Variants in DNAH8 observed in about 807,000 individuals in gnomAD.
DNAH8 encodes dynein axonemal heavy chain 8.
In DNAH8, 382 loss-of-function variants were observed where a neutral mutation model predicts 562.1. That is an observed-to-expected ratio of 0.68 (90% CI 0.63 to 0.74). The LOEUF (loss-of-function observed/expected upper bound fraction) is 0.74. DNAH8 is among the 30% of genes least tolerant of loss of function. The probability of loss-of-function intolerance (pLI) is 0.00; values close to 1 mark genes in which losing one functional copy is unlikely to be tolerated. For missense variants in DNAH8, 5,203 were observed against 5,620.4 expected (o/e 0.93, Z 2.37); for synonymous variants, 1,881 against 1,919.4 (o/e 0.98, Z 0.52).
chr6:38,763,200 G>C (rs1436225231), intron 11 of DNAH8: 1 of 212,632 alleles, frequency 4.7e-6, no homozygotes, highest in Non-Finnish European at 9.5e-6. Context: ...TGGAAACTCA[G>C]TTCCTTCTAA....
intron 10 of DNAH8, among the ~76,000 whole-genome samples, chr6:38,759,346 C>T (rs1358633649): frequency 6.6e-6 from 1 of 151,866 alleles, no homozygotes; most frequent in Non-Finnish European, 1.5e-5. Context: ...AACAAACCAC[C>T]ACCAACGAAA....
At chr6:38,770,822 A>C (rs1334460300) in intron 12 of DNAH8, among the ~76,000 whole-genome samples, 1 of 152,182 alleles carries the variant, frequency 6.6e-6, no homozygotes, top group Non-Finnish European at 1.5e-5. Context: ...ATGAAACTTC[A>C]ACTTAAAAGG....
chr6:39,009,958 A>T (rs748734008), intron 89 of DNAH8, among the ~76,000 whole-genome samples: 18 of 152,210 alleles, frequency 1.2e-4, no homozygotes, highest in Non-Finnish European at 2.6e-4. Flanking sequence ...AAAACAAGGC[A>T]GCATACTTGC....
At chr6:38,781,955 G>A (rs941191966) in intron 16 of DNAH8, among the ~76,000 whole-genome samples, 1 of 152,118 alleles carries the variant, frequency 6.6e-6, no homozygotes, top group Non-Finnish European at 1.5e-5. Context: ...TTAAGAGACA[G>A]AGTCACAAGG....
intron 69 of DNAH8, among the ~76,000 whole-genome samples, chr6:38,917,639 C>T (rs771210073): frequency 3.4e-4 from 52 of 152,208 alleles, no homozygotes; most frequent in Admixed American, 3.4e-3. Context: ...GCCTTGGTGT[C>T]AACCCAGCCC....
At position 38,865,164 on chromosome 6, in the gene DNAH8, C is replaced by T. The variant is rs7757664; in HGVS notation, c.6498+1104C>T. Among the ~76,000 whole-genome samples the T allele has an allele frequency of 5.7e-3, 869 of 152,188 alleles. 10 individuals are homozygous for T. The highest frequency in any genetic ancestry group is 0.019 in the African/African-American group (799 of 41,520). ...ATGTGTTTTCCATAAAGTTAAATCT[C>T]GAAGTTGCAAGATAACACAAAGCAC... is the stretch of plus-strand genomic sequence containing the variant. On this transcript the variant is annotated intron_variant, in intron 45 of 92. Coordinates refer to ENST00000327475, the MANE Select transcript of DNAH8 (RefSeq NM_001206927.2).
At chr6:38,902,245 T>TA (rs554353026) in intron 62 of DNAH8, among the ~76,000 whole-genome samples, 7 of 152,242 alleles carry the variant, frequency 4.6e-5, no homozygotes, top group Admixed American at 4.6e-4. Context: ...AGCCAATTCT[T>TA]AGAGATTCAA....
chr6:38,937,378 A>C (rs1415629711), intron 77 of DNAH8, among the ~76,000 whole-genome samples: 2 of 152,208 alleles, frequency 1.3e-5, no homozygotes, highest in Non-Finnish European at 2.9e-5. Flanking sequence ...ATGAAAGGCA[A>C]AACTAAAAAT....
Position 38,722,974 on chromosome 6 carries a change from T to A in DNAH8, c.165T>A (p.Val55=), listed in dbSNP as rs896010585. The A allele has an allele frequency of 6.2e-7, 1 of 1,612,540 alleles. No individual in the cohort carries two copies. The highest frequency in any genetic ancestry group is 1.3e-5 in the African/African-American group (1 of 74,906). Residue 55 remains valine, a synonymous_variant, in exon 2 of 93, where the codon GTT becomes GTA. Transcript: ENST00000327475. ...DGFSPSAEDA[V]SSVVDYRDLI... ...TCTCTCCTTCCGCAGAAGATGCTGTTTCTTCTGTGGTGGATTATCGGGATC... is the reference window on the plus strand; with the variant it reads ...TCTCTCCTTCCGCAGAAGATGCTGTATCTTCTGTGGTGGATTATCGGGATC...
In DNAH8 at chr6:38,723,459, G is replaced by T; in HGVS notation, c.513G>T (p.Leu171Phe). The change falls in exon 3 of 93, where the codon TTG (leucine) becomes TTT (phenylalanine). Residue 171 changes from leucine to phenylalanine, a missense_variant. Leu to Phe is a conservative substitution (Grantham distance 22, BLOSUM62 0). Coordinates refer to ENST00000327475, the MANE Select transcript of DNAH8 (RefSeq NM_001206927.2). ...TAGTAACTGTTGAAGAATTAATTTT[G>T]GATTGCCCATCTGTAAGTTTAAGTC... The part of the protein sequence containing the change: ...LDIVTVEELI[L>F]DCPSLEAFTN... The T allele has an allele frequency of 1.2e-6, 2 of 1,605,072 alleles. No homozygotes were observed. Among genetic ancestry groups the T allele is most frequent in the Non-Finnish European group, 1.7e-6 (2 of 1,178,198 alleles).
chr6:38,921,532 A>C (rs1331553630), intron 71 of DNAH8, 26 bp downstream of exon 71: 1 of 1,604,488 alleles, frequency 6.2e-7, no homozygotes, highest in African/African-American at 1.3e-5. Context: ...AAAAATCCCC[A>C]AAATGGTGTA....
At position 38,898,312 on chromosome 6, in the gene DNAH8, A is replaced by G; in HGVS notation, c.8995A>G (p.Asn2999Asp). ...ACTCCAGTTTTACCAGAGACAGTTCAATGAAATCATTAGAGGAACATCTCT... is the reference window on the plus strand; with the variant it reads ...ACTCCAGTTTTACCAGAGACAGTTCGATGAAATCATTAGAGGAACATCTCT... ...EKLQFYQRQF[N>D]EIIRGTSLDL... Residue 2999 changes from asparagine (N) to aspartate (D), a missense_variant, in exon 61 of 93, where the codon AAT becomes GAT. Asn to Asp is a conservative substitution (Grantham distance 23). Around this residue, in one of 6 missense-constraint regions of DNAH8, gnomAD observed 977 missense variants for 1,061.8 expected, o/e 0.92. Transcript: ENST00000327475. The G allele has an allele frequency of 6.3e-7, 1 of 1,590,814 alleles. No homozygotes were observed. The highest frequency in any genetic ancestry group is 8.5e-7 in the Non-Finnish European group (1 of 1,172,510).
chr6:38,800,941 A>T (rs1281583679), intron 21 of DNAH8, among the ~76,000 whole-genome samples: 8 of 152,160 alleles, frequency 5.3e-5, no homozygotes, highest in Non-Finnish European at 1.0e-4. Flanking sequence ...TTTTATAGAT[A>T]CTAGTTCCTT....
At chr6:38,823,779 CA>C (rs570208425) in intron 28 of DNAH8, 91 bp downstream of exon 28, 7 of 733,018 alleles carry the variant, frequency 9.5e-6, no homozygotes, top group Non-Finnish European at 1.5e-5. Flanking sequence ...TATCTTGGTA[CA>C]ATAGTATTAT....
At chr6:38,827,463 A>G (rs746264631) in intron 29 of DNAH8, among the ~76,000 whole-genome samples, 1 of 152,142 alleles carries the variant, frequency 6.6e-6, no homozygotes, top group Non-Finnish European at 1.5e-5. Flanking sequence ...TTTGTTGTCT[A>G]TAAACAATGC....
At chr6:38,929,478 A>G in intron 74 of DNAH8, 33 bp from the exon 75 acceptor site, 8 of 1,574,716 alleles carry the variant, frequency 5.1e-6, no homozygotes, top group Non-Finnish European at 6.9e-6. Context: ...ATTCTTTGTA[A>G]CACAGATAGA....
chr6:38,893,942 G>T (rs1779510285), intron 58 of DNAH8, among the ~76,000 whole-genome samples: 2 of 152,100 alleles, frequency 1.3e-5, no homozygotes, highest in African/African-American at 2.4e-5. Flanking sequence ...GTACCTCGAG[G>T]TTATCTCTTA....
At chr6:38,777,843 C>T (rs2038203) in intron 13 of DNAH8, among the ~76,000 whole-genome samples, 18,643 of 152,184 alleles carry the variant, frequency 0.12, 1,391 homozygotes, top group Admixed American at 0.22. Flanking sequence ...GCCCTGGTGT[C>T]TATAGCGTCA....
intron 30 of DNAH8, among the ~76,000 whole-genome samples, chr6:38,829,053 G>A (rs1773609407): frequency 1.3e-5 from 2 of 152,146 alleles, no homozygotes; most frequent in Admixed American, 1.3e-4. Flanking sequence ...TATTGTCCAT[G>A]TGCGAGGACT....
Sources: allele counts gnomAD v4.1 joint callset (sites outside exome capture counted in the v4.1 genomes callset), GRCh38; gene constraint gnomAD v4.1.1; regional missense constraint gnomAD v4.1.1; transcripts MANE v1.5; gene names NCBI Gene and HGNC (gene_info 2026-07-23, HGNC 2026-07-21).